The following KIRREL3 variants were observed in gnomAD, a reference collection of about 807,000 sequenced individuals.
The protein encoded by KIRREL3 is kin of IRRE-like protein 3.
Under a neutral mutation model 89.7 loss-of-function variants are expected in KIRREL3, and 36 were observed. The observed-to-expected ratio is 0.40, with a 90% confidence interval of 0.31 to 0.53. KIRREL3 has a LOEUF of 0.53. Among genes scored for constraint, KIRREL3 ranks in the 20% least tolerant of loss-of-function variants. The pLI, the probability that KIRREL3 is intolerant of heterozygous loss-of-function variation, is 0.49. For missense variants in KIRREL3, 864 were observed against 1,056.6 expected, an observed-to-expected ratio of 0.82 and a Z score of 2.53; for synonymous variants, 445 against 441.4, an observed-to-expected ratio of 1.01 and a Z score of -0.10.
chr11:126,429,054 G>T lies in KIRREL3; in HGVS notation c.1806+125C>A. 3.1e-6 allele frequency: 2 copies of T among 641,086 alleles called. No homozygotes were observed. Among genetic ancestry groups the T allele is most frequent in the East Asian group, 2.8e-5 (1 of 36,230 alleles). The allele number at this position is 641,086 out of a possible 1,614,324, so 39.7% of individuals were successfully genotyped here. ...GTGTGTGCCTCACCTATTGTGGGGT[G>T]GGCAGGGGGCATCTTGAACGCTGCT... On this transcript the variant is annotated intron_variant, in intron 15 of 16. Transcript: ENST00000525144. The surrounding 1 kb of genome is among the most constrained non-coding windows in gnomAD (Gnocchi z 5.2).
chr11:126,926,696 T>G (rs1947730859), intron 1 of KIRREL3, among the ~76,000 whole-genome samples: 1 of 152,052 alleles, frequency 6.6e-6, no homozygotes, highest in African/African-American at 2.4e-5. Flanking sequence ...TATGAGCATT[T>G]CCCCCCTGCT....
At chr11:126,725,819 A>T (rs962913497) in intron 1 of KIRREL3, among the ~76,000 whole-genome samples, 3 of 152,180 alleles carry the variant, frequency 2.0e-5, no homozygotes, top group African/African-American at 7.2e-5. Context: ...AGGATTGGCC[A>T]CCAACTCACT....
chr11:126,905,711 C>A lies in KIRREL3; in HGVS notation c.55+94744G>T, dbSNP rs1946555884. On this transcript the variant is annotated intron_variant, in intron 1 of 16. Transcript: ENST00000525144. This position sits in a 1 kb window ranked among gnomAD's most constrained non-coding sequence, Gnocchi z 5.0. ...TGAACCCTTAACAGAACACCAGAGA[C>A]CTATGTGAGATGGAATTGTTGTGTA... Among the ~76,000 whole-genome samples the A allele has an allele frequency of 6.6e-6, 1 of 152,104 alleles. No homozygotes were observed. Among genetic ancestry groups the A allele is most frequent in the Non-Finnish European group, 1.5e-5 (1 of 68,034 alleles).
Position 126,640,481 on chromosome 11 carries a change from T to A in KIRREL3, c.56-77569A>T, listed in dbSNP as rs1944427198. On this transcript the variant is annotated intron_variant, in intron 1 of 16. Coordinates refer to ENST00000525144, the MANE Select transcript of KIRREL3 (RefSeq NM_032531.4). This position sits in a 1 kb window ranked among gnomAD's most constrained non-coding sequence, Gnocchi z 4.9. ...CATTCCAATCTGTTCCCTGCATACA[T>A]TACATGCATAGATCTGAGAGAAGAA... Among the ~76,000 whole-genome samples the A allele has an allele frequency of 6.6e-6, 1 of 152,190 alleles. No individual in the cohort carries two copies. The highest frequency in any genetic ancestry group is 2.1e-4 in the South Asian group (1 of 4,816).
chr11:126,686,804 C>A lies in KIRREL3; in HGVS notation c.56-123892G>T, dbSNP rs1946682926. On this transcript the variant is annotated intron_variant, in intron 1 of 16. Transcript: ENST00000525144. The surrounding 1 kb of genome is among the most constrained non-coding windows in gnomAD (Gnocchi z 4.7). ...ATGTTGGCCAGGCTGGTCTCGAACT[C>A]CTGACCTCAAGTGATTCACCCACCT... Among the ~76,000 whole-genome samples the A allele has an allele frequency of 6.6e-6, 1 of 152,282 alleles. No individual in the cohort carries two copies. The highest frequency in any genetic ancestry group is 2.1e-4 in the South Asian group (1 of 4,816).
rs1434985955 is a variant in KIRREL3 at position 126,551,861 on chromosome 11, G to A, written c.133+10974C>T. Reference sequence around the variant, plus strand: ...GGGTTTCACCATGTTAGTCAGGCTGGTCTTGAACTCCTGACCTCAGGTGAT... The same window carrying A: ...GGGTTTCACCATGTTAGTCAGGCTGATCTTGAACTCCTGACCTCAGGTGAT... On this transcript the variant is annotated intron_variant, in intron 2 of 16. Transcript: ENST00000525144. The surrounding 1 kb of genome is among the most constrained non-coding windows in gnomAD (Gnocchi z 4.9). Among the ~76,000 whole-genome samples, 1 of 152,160 alleles carries A rather than the reference G, an allele frequency of 6.6e-6. No individual in the cohort carries two copies. Among genetic ancestry groups the A allele is most frequent in the Non-Finnish European group, 1.5e-5 (1 of 68,016 alleles).
Position 126,530,423 on chromosome 11 carries a change from A to G in KIRREL3, c.134-3736T>C, listed in dbSNP as rs1958905583. Among the ~76,000 whole-genome samples, 1 of 152,068 alleles carries G rather than the reference A, an allele frequency of 6.6e-6. No individual in the cohort carries two copies. ...TTTTCCCCATTTTCTTTTCTACTCC[A>G]AAGAAGTGAAATGCAAGTGAGCCCA... On this transcript the variant is annotated intron_variant, in intron 2 of 16. Coordinates refer to ENST00000525144, the MANE Select transcript of KIRREL3 (RefSeq NM_032531.4). The surrounding 1 kb of genome is among the most constrained non-coding windows in gnomAD (Gnocchi z 5.8).
In KIRREL3 at chr11:126,613,828, C is replaced by G. The variant is rs532342230; in HGVS notation, c.56-50916G>C. Among the ~76,000 whole-genome samples the G allele has an allele frequency of 4.3e-5, 6 of 140,506 alleles. 1 individual carries two copies. The South Asian group carries it at 1.3e-3, about 31-fold the overall frequency. 92.2% of individuals were successfully genotyped at this position (140,506 alleles called of 152,430 possible). On this transcript the variant is annotated intron_variant, in intron 1 of 16. Transcript: ENST00000525144. ...GCATTACCTTGGCCAGAAAATATCA[C>G]TTATTTATTTCAGATTGCATTTCTG...
At position 126,917,491 on chromosome 11, in the gene KIRREL3, A is replaced by T. The variant is rs1947088376; in HGVS notation, c.55+82964T>A. 8.3e-6 allele frequency among the ~76,000 whole-genome samples: 1 copy of T among 120,020 alleles called. No homozygotes were observed. Among genetic ancestry groups the T allele is most frequent in the African/African-American group, 3.7e-5 (1 of 26,830 alleles). 78.7% of individuals were successfully genotyped at this position (120,020 alleles called of 152,430 possible). On this transcript the variant is annotated intron_variant, in intron 1 of 16. Coordinates refer to ENST00000525144, the MANE Select transcript of KIRREL3 (RefSeq NM_032531.4). This position sits in a 1 kb window ranked among gnomAD's most constrained non-coding sequence, Gnocchi z 5.0. ...ATATTTTACCACAATAAAAAAATTA[A>T]AAAAAAACAAGGAAAAACCTGCAAA... is the stretch of plus-strand genomic sequence containing the variant.
chr11:126,796,630 C>A lies in KIRREL3; in HGVS notation c.55+203825G>T, dbSNP rs2134376351. Among the ~76,000 whole-genome samples the A allele has an allele frequency of 1.3e-5, 2 of 152,180 alleles. No individual in the cohort carries two copies. The highest frequency in any genetic ancestry group is 6.8e-3 in the Middle Eastern group (2 of 294). On this transcript the variant is annotated intron_variant, in intron 1 of 16. Coordinates refer to ENST00000525144, the MANE Select transcript of KIRREL3 (RefSeq NM_032531.4). This position sits in a 1 kb window ranked among gnomAD's most constrained non-coding sequence, Gnocchi z 5.1. The stretch of plus-strand genomic sequence containing the variant: ...AAGTGCCCTCTTATGTTAAGCATTG[C>A]CCCCAACCCTGCTTTTTATTTATTT...
In KIRREL3 at chr11:126,977,339, C is replaced by G. The variant is rs1344894029; in HGVS notation, c.55+23116G>C. ...ATCAGGATCATTCGTTTGGTGCTGTCAAAACACTGAAGCTGCCATCTTTCT... is the reference window on the plus strand; with the variant it reads ...ATCAGGATCATTCGTTTGGTGCTGTGAAAACACTGAAGCTGCCATCTTTCT... On this transcript the variant is annotated intron_variant, in intron 1 of 16. Transcript: ENST00000525144. The surrounding 1 kb of genome is among the most constrained non-coding windows in gnomAD (Gnocchi z 4.7). 6.6e-6 allele frequency among the ~76,000 whole-genome samples: 1 copy of G among 152,278 alleles called. No individual in the cohort carries two copies. Among genetic ancestry groups the G allele is most frequent in the South Asian group, 2.1e-4 (1 of 4,816 alleles).
At position 126,995,548 on chromosome 11, in the gene KIRREL3, C is replaced by G. The variant is rs1950159301; in HGVS notation, c.55+4907G>C. 2.9e-6 allele frequency: 1 copy of G among 347,190 alleles called. No homozygotes were observed. Among genetic ancestry groups the G allele is most frequent in the Non-Finnish European group, 5.6e-6 (1 of 177,428 alleles). 21.5% of individuals were successfully genotyped at this position (347,190 alleles called of 1,614,324 possible). On this transcript the variant is annotated intron_variant, in intron 1 of 16. Coordinates refer to ENST00000525144, the MANE Select transcript of KIRREL3 (RefSeq NM_032531.4). This position sits in a 1 kb window ranked among gnomAD's most constrained non-coding sequence, Gnocchi z 6.5. ...GCCCCTCTAGCCCCCTTAGCATCCC[C>G]CATCTATATCAAGACCATAAAACCA...
intron 1 of KIRREL3, among the ~76,000 whole-genome samples, chr11:126,775,877 G>A (rs1950155644): frequency 6.6e-6 from 1 of 152,142 alleles, no homozygotes; most frequent in Admixed American, 6.5e-5. Flanking sequence ...CACTGGCAAT[G>A]TCCGTGCTCT....
intron 1 of KIRREL3, among the ~76,000 whole-genome samples, chr11:126,804,382 T>G (rs760286377): frequency 3.3e-5 from 5 of 152,146 alleles, no homozygotes; most frequent in Non-Finnish European, 4.4e-5. Flanking sequence ...TACAAATAAG[T>G]GGCAATTTTC....
In KIRREL3 at chr11:126,606,659, T is replaced by C. The variant is rs1459738033; in HGVS notation, c.56-43747A>G. Among the ~76,000 whole-genome samples the C allele has an allele frequency of 6.6e-6, 1 of 151,976 alleles. No homozygotes were observed. The highest frequency in any genetic ancestry group is 2.4e-5 in the African/African-American group (1 of 41,360). On this transcript the variant is annotated intron_variant, in intron 1 of 16. Transcript: ENST00000525144. The surrounding 1 kb of genome is among the most constrained non-coding windows in gnomAD (Gnocchi z 4.6). ...GAGGGAACCGGAGGACTCCAGTCAG[T>C]TTCCAAGCTGCATAACTTGGTTCAA... is the stretch of plus-strand genomic sequence containing the variant.
At position 126,485,178 on chromosome 11, in the gene KIRREL3, C is replaced by T. The variant is rs80351934; in HGVS notation, c.434-11712G>A. On this transcript the variant is annotated intron_variant, in intron 4 of 16. Transcript: ENST00000525144. This position sits in a 1 kb window ranked among gnomAD's most constrained non-coding sequence, Gnocchi z 5.8. Reference sequence around the variant, plus strand: ...ATATTTGGCAGCACAATCGCACAGACGTGTCTCCAAGGAGGTTGGGGACAG... The same window carrying T: ...ATATTTGGCAGCACAATCGCACAGATGTGTCTCCAAGGAGGTTGGGGACAG... Among the ~76,000 whole-genome samples, 7 of 152,120 alleles carry T rather than the reference C, an allele frequency of 4.6e-5. No individual in the cohort carries two copies. In the East Asian group the frequency reaches 5.8e-4, roughly 13 times the overall value.
chr11:126,718,675 T>A (rs1180705928), intron 1 of KIRREL3, among the ~76,000 whole-genome samples: 1 of 152,208 alleles, frequency 6.6e-6, no homozygotes, highest in Non-Finnish European at 1.5e-5. Context: ...TTACTCTCAA[T>A]AATAATCATT....
rs534991535 is a variant in KIRREL3 at position 126,902,715 on chromosome 11, A to T, written c.55+97740T>A. ...CAAAGTATGTTAGGAAGCAGACAGG[A>T]TGCTGGGCAAACACTGGGACACAGC... On this transcript the variant is annotated intron_variant, in intron 1 of 16. Transcript: ENST00000525144. Among the ~76,000 whole-genome samples, 7 of 152,356 alleles carry T rather than the reference A, an allele frequency of 4.6e-5. No individual in the cohort carries two copies. In the South Asian group the frequency reaches 1.5e-3, roughly 32 times the overall value.
rs566873545 is a variant in KIRREL3 at position 126,555,438 on chromosome 11, A to G, written c.133+7397T>C. ...CTGGTTCTACGGGAGCATGTGACAC[A>G]GGAACTGGATCTTGACTGAGGAGGG... On this transcript the variant is annotated intron_variant, in intron 2 of 16. Transcript: ENST00000525144. This position sits in a 1 kb window ranked among gnomAD's most constrained non-coding sequence, Gnocchi z 4.2. 6.6e-6 allele frequency among the ~76,000 whole-genome samples: 1 copy of G among 152,352 alleles called. No individual in the cohort carries two copies. Among genetic ancestry groups the G allele is most frequent in the South Asian group, 2.1e-4 (1 of 4,830 alleles).
Sources: gnomAD v4.1 joint callset for allele counts (sites outside exome capture counted in the v4.1 genomes callset) on GRCh38, gnomAD v4.1.1 for gene constraint, Gnocchi (gnomAD v3.1) non-coding constraint, MANE v1.5 for transcripts, NCBI Gene and HGNC (gene_info 2026-07-23, HGNC 2026-07-21) for gene names.